Variants in GRK7 observed in about 807,000 individuals in gnomAD.
GRK7 encodes the protein rhodopsin kinase GRK7.
GRK7 carries 24 observed loss-of-function variants against 34.1 expected under a neutral mutation model. The ratio of observed to expected loss-of-function variants is 0.70; its 90% CI spans 0.51 to 0.99. The LOEUF (loss-of-function observed/expected upper bound fraction) is 0.99. Among genes scored for constraint, GRK7 ranks in the 50% least tolerant of loss-of-function variants. GRK7 has a pLI of 0.00. For synonymous variants in GRK7, 256 were observed against 279.4 expected (o/e 0.92, Z 0.84); for missense variants, 644 against 707.3 (o/e 0.91, Z 1.02).
intron 4 of GRK7, among the ~76,000 whole-genome samples, chr3:141,784,721 G>T (rs2084687616): frequency 6.6e-6 from 1 of 152,206 alleles, no homozygotes; most frequent in South Asian, 2.1e-4. Flanking sequence ...GAGAATTACT[G>T]TGAACATTAA....
chr3:141,766,963 T>C (rs1577909014), intron 1 of GRK7, among the ~76,000 whole-genome samples: 1 of 152,370 alleles, frequency 6.6e-6, no homozygotes, highest in Non-Finnish European at 1.5e-5. Flanking sequence ...ATTTTCTCTC[T>C]TAGCTACTGT....
chr3:141,769,804 A>G (rs2084607728), intron 1 of GRK7, among the ~76,000 whole-genome samples: 1 of 152,160 alleles, frequency 6.6e-6, no homozygotes, highest in Admixed American at 6.5e-5. Context: ...CTCCCACGTG[A>G]CAGCCTCTCC....
intron 5 of GRK7, among the ~76,000 whole-genome samples, chr3:141,815,359 CAT>C (rs1425546139): frequency 6.6e-6 from 1 of 151,770 alleles, no homozygotes; most frequent in Non-Finnish European, 1.5e-5. Flanking sequence ...AGCATTTTTT[CAT>C]ATGTTTGTTG....
intron 4 of GRK7, among the ~76,000 whole-genome samples, chr3:141,796,688 T>C (rs990205680): frequency 6.6e-6 from 1 of 152,200 alleles, no homozygotes; most frequent in African/African-American, 2.4e-5. Context: ...CTGAGCATCT[T>C]AGAGGCACCG....
intron 4 of GRK7, among the ~76,000 whole-genome samples, chr3:141,788,883 G>A (rs2084709504): frequency 6.6e-6 from 1 of 152,176 alleles, no homozygotes. Flanking sequence ...GCCCAGGCTG[G>A]AGTGCAGTGG....
chr3:141,785,808 G>A (rs1337334131), intron 4 of GRK7, among the ~76,000 whole-genome samples: 1 of 151,632 alleles, frequency 6.6e-6, no homozygotes, highest in Non-Finnish European at 1.5e-5. Context: ...GTGTGGTGAT[G>A]CATGCCTGTG....
At chr3:141,799,350 C>T (rs1256232977) in intron 4 of GRK7, among the ~76,000 whole-genome samples, 4 of 152,176 alleles carry the variant, frequency 2.6e-5, no homozygotes, top group Non-Finnish European at 2.9e-5. Flanking sequence ...TGGTGGGTCA[C>T]GCCTGTAATC....
Position 141,817,067 on chromosome 3 carries a change from G to C in GRK7, c.*17G>C. 1 of 1,551,728 alleles carries C rather than the reference G, an allele frequency of 6.4e-7. No individual in the cohort carries two copies. The highest frequency in any genetic ancestry group is 2.2e-5 in the East Asian group (1 of 44,458). ...TTATTGTAAATTGCTCTCTTTACCAGACAGGCAGCAGGAGTCTCGGCTGAC... is the reference window on the plus strand; with the variant it reads ...TTATTGTAAATTGCTCTCTTTACCACACAGGCAGCAGGAGTCTCGGCTGAC... On this transcript the variant is annotated 3_prime_UTR_variant, in exon 6 of 6. Transcript: ENST00000682958.
intron 5 of GRK7, among the ~76,000 whole-genome samples, chr3:141,811,073 G>C (rs1711087950): frequency 6.6e-6 from 1 of 152,094 alleles, no homozygotes; most frequent in South Asian, 2.1e-4. Context: ...CCAGCACTTT[G>C]GGAGGCCAAG....
chr3:141,779,654 A>G (rs1045742731), intron 3 of GRK7, among the ~76,000 whole-genome samples: 1 of 152,156 alleles, frequency 6.6e-6, no homozygotes. Flanking sequence ...AGACACTCTC[A>G]TCACCCCTGT....
intron 5 of GRK7, among the ~76,000 whole-genome samples, chr3:141,813,811 C>T (rs1711120549): frequency 6.6e-6 from 1 of 152,052 alleles, no homozygotes; most frequent in African/African-American, 2.4e-5. Context: ...CTCTGGCTTC[C>T]TCAGATGCAC....
intron 4 of GRK7, among the ~76,000 whole-genome samples, chr3:141,783,757 A>C (rs2084683099): frequency 6.6e-6 from 1 of 152,130 alleles, no homozygotes; most frequent in African/African-American, 2.4e-5. Flanking sequence ...AAGCCAGCAG[A>C]GTAGGTGTTG....
the GRK7 span, among the ~76,000 whole-genome samples, chr3:141,753,328 C>T: frequency 1.3e-5 from 2 of 152,282 alleles, no homozygotes; most frequent in East Asian, 3.9e-4. Flanking sequence ...CAAACCATTT[C>T]GTGGTGTTCT....
In GRK7 at chr3:141,765,138, T is replaced by C. The variant is rs1458969899; in HGVS notation, c.-815T>C. 1.3e-5 allele frequency among the ~76,000 whole-genome samples: 2 copies of C among 152,206 alleles called. No homozygotes were observed. ...GATCAGTACTGCCTCACTGGTCTGC[T>C]CTGTTTCCTCTCTGAGGACATTTCC... On this transcript the variant is annotated 5_prime_UTR_variant, in exon 1 of 6. Transcript: ENST00000682958.
intron 4 of GRK7, among the ~76,000 whole-genome samples, chr3:141,781,052 G>T (rs2084670334): frequency 6.6e-6 from 1 of 152,108 alleles, no homozygotes; most frequent in South Asian, 2.1e-4. Flanking sequence ...TTGTGAGTTG[G>T]GGATGGCCTG....
Position 141,778,452 on chromosome 3 carries a change from C to T in GRK7, c.168C>T (p.Phe56=), listed in dbSNP as rs1261743426. ...TCCGCCAGAAGCTGTCCCTGAACTT[C>T]CACAGCCTGTGTGAGCAGCAGCCCA... ...AELRQKLSLN[F]HSLCEQQPIG... is the part of the protein sequence containing the mutation. The change falls in exon 3 of 6, where the codon TTC becomes TTT. Residue 56 remains phenylalanine (F), a synonymous_variant. Coordinates refer to ENST00000682958, the MANE Select transcript of GRK7 (RefSeq NM_139209.3). The surrounding 1 kb of genome is among the most constrained non-coding windows in gnomAD (Gnocchi z 4.1). The T allele has an allele frequency of 6.2e-7, 1 of 1,613,018 alleles. No individual in the cohort carries two copies. The highest frequency in any genetic ancestry group is 8.5e-7 in the Non-Finnish European group (1 of 1,179,932).
rs1447696251 is a variant in GRK7, at chr3:141,818,736, C to T, written c.*1686C>T. ...AATTTATCCCAGTGGTAAAAAAAACCTGGCTGAAGTCAGTTTAAAAGTTTT... is the reference window on the plus strand; with the variant it reads ...AATTTATCCCAGTGGTAAAAAAAACTTGGCTGAAGTCAGTTTAAAAGTTTT... On this transcript the variant is annotated 3_prime_UTR_variant, in exon 6 of 6. Coordinates refer to ENST00000682958, the MANE Select transcript of GRK7 (RefSeq NM_139209.3). 6.6e-6 allele frequency among the ~76,000 whole-genome samples: 1 copy of T among 152,110 alleles called. No individual in the cohort carries two copies. The highest frequency in any genetic ancestry group is 2.4e-5 in the African/African-American group (1 of 41,410).
chr3:141,807,902 G>C lies in GRK7; in HGVS notation c.1308G>C (p.Glu436Asp). 6.3e-7 allele frequency: 1 copy of C among 1,592,964 alleles called. No homozygotes were observed. Among genetic ancestry groups the C allele is most frequent in the South Asian group, 1.1e-5 (1 of 87,026 alleles). The change falls in exon 5 of 6, where the codon GAG (glutamate) becomes GAC (aspartate). Residue 436 changes from glutamate to aspartate, a missense_variant. Transcript: ENST00000682958. ...ICRLFLAKKP[E>D]QRLGSREKSD... ...GGCTCTTCTTGGCTAAGAAACCAGA[G>C]CAACGCTTAGGAAGCAGGTAAACTA... is the stretch of plus-strand genomic sequence containing the variant.
intron 4 of GRK7, among the ~76,000 whole-genome samples, chr3:141,781,274 G>A (rs990374641): frequency 1.3e-5 from 2 of 152,144 alleles, no homozygotes; most frequent in East Asian, 3.8e-4. Flanking sequence ...GATGGCTCAC[G>A]CCTGTAATCC....
Sources: allele counts gnomAD v4.1 joint callset (sites outside exome capture counted in the v4.1 genomes callset), GRCh38; gene constraint gnomAD v4.1.1; non-coding constraint Gnocchi (gnomAD v3.1); transcripts MANE v1.5; gene names NCBI Gene and HGNC (gene_info 2026-07-23, HGNC 2026-07-21).